KIF5C: variants seen among roughly 807,000 people sequenced by gnomAD.
KIF5C encodes the protein kinesin family member 5C.
A neutral mutation model predicts 125.2 loss-of-function variants in KIF5C; 18 were observed. The observed-to-expected ratio is 0.14, with a 90% CI of 0.10 to 0.21. The LOEUF is 0.21. Among genes scored for constraint, KIF5C ranks in the 10% least tolerant of loss-of-function variants. KIF5C has a pLI of 1.00. For missense variants in KIF5C, 780 were observed against 1,183.8 expected, an observed-to-expected ratio of 0.66 and a Z score of 5.01; for synonymous variants, 405 against 434.0, an observed-to-expected ratio of 0.93 and a Z score of 0.83.
chr2:148,943,538 C>T (rs567372820), intron 7 of KIF5C, among the ~76,000 whole-genome samples: 68 of 152,240 alleles, frequency 4.5e-4, no homozygotes, highest in African/African-American at 1.6e-3. Flanking sequence ...ATATATCTTA[C>T]CGTGTTGAAG....
Position 148,901,089 on chromosome 2 carries a change from T to C in KIF5C, c.127-21048T>C, listed in dbSNP as rs1286084972. On this transcript the variant is annotated intron_variant, in intron 1 of 25. Transcript: ENST00000435030. ...ATGATACAAGTGCCCTGTTTAGTCT[T>C]AGGTGGTTGTTGCGAGATGTTGCGA... 9.2e-5 allele frequency among the ~76,000 whole-genome samples: 14 copies of C among 152,182 alleles called. No homozygotes were observed. In the South Asian group the frequency reaches 1.2e-3, roughly 14 times the overall value.
At chr2:148,914,250 A>C (rs1214822316) in intron 1 of KIF5C, among the ~76,000 whole-genome samples, 1 of 152,212 alleles carries the variant, frequency 6.6e-6, no homozygotes, top group Non-Finnish European at 1.5e-5. Context: ...CAAAGGCGAA[A>C]GAGCTTGGGG....
chr2:148,925,320 G>A (rs1222063929), intron 2 of KIF5C, among the ~76,000 whole-genome samples: 2 of 152,202 alleles, frequency 1.3e-5, no homozygotes, highest in African/African-American at 4.8e-5. Context: ...ACTTTATCCT[G>A]CAGACAATGT....
At chr2:149,011,793 C>T (rs1682209348) in intron 25 of KIF5C, 110 bp downstream of exon 25, 1 of 1,410,040 alleles carries the variant, frequency 7.1e-7, no homozygotes, top group Admixed American at 2.1e-5. Flanking sequence ...CTGCTCTACT[C>T]CAGCACACAC....
intron 3 of KIF5C, among the ~76,000 whole-genome samples, chr2:148,935,762 T>C (rs1379564694): frequency 1.3e-5 from 2 of 152,228 alleles, no homozygotes; most frequent in African/African-American, 4.8e-5. Context: ...GCCCTTCTCA[T>C]GTCACTAAGC....
chr2:149,002,664 C>A (rs1681885251), intron 21 of KIF5C, among the ~76,000 whole-genome samples: 1 of 151,866 alleles, frequency 6.6e-6, no homozygotes, highest in Non-Finnish European at 1.5e-5. Context: ...TTCACACTCC[C>A]TTGTACACTT....
chr2:148,942,110 C>T, intron 6 of KIF5C, 120 bp downstream of exon 6: 1 of 1,112,820 alleles, frequency 9.0e-7, no homozygotes, highest in South Asian at 1.7e-5. Context: ...TATTCAGGCT[C>T]CTTATATTTA....
Position 148,927,485 on chromosome 2 carries a change from G to GGTGTGTGT in KIF5C, c.218-1777_218-1770dup, listed in dbSNP as rs368235008. On this transcript the variant is annotated intron_variant, in intron 2 of 25. Coordinates refer to ENST00000435030, the MANE Select transcript of KIF5C (RefSeq NM_004522.3). Reference sequence around the variant, plus strand: ...CTTAAGACAAGGAAAGCCCTTTCAGGGTGTGTGTGTGTGTGTGTGTGTGTG... The same window carrying GGTGTGTGT: ...CTTAAGACAAGGAAAGCCCTTTCAGGGTGTGTGTGTGTGTGTGTGTGTGTGTGTGTGTG... 9.0e-3 allele frequency among the ~76,000 whole-genome samples: 1,343 copies of GGTGTGTGT among 149,698 alleles called. 15 individuals carry two copies. The highest frequency in any genetic ancestry group is 0.062 in the Middle Eastern group (18 of 292).
At chr2:148,921,842 T>C (rs934212877) in intron 1 of KIF5C, among the ~76,000 whole-genome samples, 1 of 152,204 alleles carries the variant, frequency 6.6e-6, no homozygotes, top group Non-Finnish European at 1.5e-5. Context: ...TCTGTGTAAG[T>C]GCTCAGTAAA....
In KIF5C at chr2:148,991,129, G is replaced by C; in HGVS notation, c.1836G>C (p.Gln612His). ...VNRSKQLESA[Q>H]MDSNRKMNAS... is the part of the protein sequence containing the mutation. ...GCAGCAAACAGCTCGAGAGCGCCCA[G>C]ATGGACTCCAACAGGAAGATGAATG... The change falls in exon 16 of 26, where the codon CAG becomes CAC. Residue 612 changes from glutamine (Q) to histidine (H), a missense_variant. Gln to His is a conservative substitution (Grantham distance 24). Around this residue, in one of 2 missense-constraint regions of KIF5C, gnomAD observed 573 missense variants for 742.6 expected, o/e 0.77. Transcript: ENST00000435030. 1 of 1,613,984 alleles carries C rather than the reference G, an allele frequency of 6.2e-7. No homozygotes were observed. The highest frequency in any genetic ancestry group is 8.5e-7 in the Non-Finnish European group (1 of 1,179,878).
chr2:148,976,559 C>A (rs889514232), intron 12 of KIF5C, among the ~76,000 whole-genome samples: 1 of 150,322 alleles, frequency 6.7e-6, no homozygotes, highest in Non-Finnish European at 1.5e-5. Context: ...TGAGCCACCA[C>A]GCCTGGCCGC....
chr2:149,007,038 C>T (rs977903151), intron 22 of KIF5C, among the ~76,000 whole-genome samples: 7 of 152,250 alleles, frequency 4.6e-5, no homozygotes, highest in Middle Eastern at 3.4e-3. Context: ...GGCCATCAGC[C>T]TCAGCATCAC....
In KIF5C at chr2:149,024,413, G is replaced by C. The variant is rs772393935; in HGVS notation, c.*1343G>C. ...CTATCATGTTGTGTGCCCAAGATGA[G>C]TGAGCTGGCACTGTGCCCTGAAGCT... On this transcript the variant is annotated 3_prime_UTR_variant, in exon 26 of 26. Transcript: ENST00000435030. 1 of 152,426 alleles carries C rather than the reference G, an allele frequency of 6.6e-6. No homozygotes were observed. The highest frequency in any genetic ancestry group is 2.4e-5 in the African/African-American group (1 of 41,376). 9.4% of individuals were successfully genotyped at this position (152,426 alleles called of 1,614,324 possible).
intron 17 of KIF5C, among the ~76,000 whole-genome samples, chr2:148,995,369 T>G (rs931683073): frequency 6.6e-6 from 1 of 152,226 alleles, no homozygotes; most frequent in Non-Finnish European, 1.5e-5. Flanking sequence ...GGCACCCCCT[T>G]GAACAAGCTC....
intron 11 of KIF5C, among the ~76,000 whole-genome samples, chr2:148,969,261 C>T (rs575568423): frequency 6.6e-6 from 1 of 152,236 alleles, no homozygotes; most frequent in East Asian, 1.9e-4. Flanking sequence ...TATTTACGCC[C>T]TCTGGGAGTT....
chr2:148,948,506 C>T (rs1446695205), intron 8 of KIF5C, among the ~76,000 whole-genome samples: 1 of 152,228 alleles, frequency 6.6e-6, no homozygotes, highest in Non-Finnish European at 1.5e-5. Context: ...GGAGGCCTGC[C>T]TCTGCACAGT....
At chr2:148,987,658 C>T (rs565663426) in intron 15 of KIF5C, among the ~76,000 whole-genome samples, 2 of 151,994 alleles carry the variant, frequency 1.3e-5, no homozygotes, top group East Asian at 1.9e-4. Flanking sequence ...TCCTTGGCCA[C>T]GAGGGGGTCT....
chr2:148,912,443 C>T (rs886476312), intron 1 of KIF5C, among the ~76,000 whole-genome samples: 4 of 152,164 alleles, frequency 2.6e-5, no homozygotes, highest in African/African-American at 9.7e-5. Context: ...AGAAAAAATT[C>T]TATGTGTGTA....
chr2:148,976,861 G>A (rs969907543), intron 12 of KIF5C, among the ~76,000 whole-genome samples: 6 of 152,140 alleles, frequency 3.9e-5, no homozygotes, highest in Non-Finnish European at 7.3e-5. Flanking sequence ...GATTATAGGC[G>A]TGAGCCACTG....
Sources: allele counts gnomAD v4.1 joint callset (sites outside exome capture counted in the v4.1 genomes callset), GRCh38; gene constraint gnomAD v4.1.1; regional missense constraint gnomAD v4.1.1; transcripts MANE v1.5; gene names NCBI Gene and HGNC (gene_info 2026-07-23, HGNC 2026-07-21).